ANKS6: variants seen among roughly 807,000 people sequenced by gnomAD.
ANKS6 encodes the protein ankyrin repeat and SAM domain-containing protein 6.
Under a neutral mutation model 77.9 loss-of-function variants are expected in ANKS6, and 47 were observed. That is an observed-to-expected ratio of 0.60 (90% CI 0.48 to 0.77). The LOEUF (loss-of-function observed/expected upper bound fraction) is 0.77. Among genes scored for constraint, ANKS6 ranks in the 30% least tolerant of loss-of-function variants. The pLI is 0.00. For missense variants in ANKS6, 1,150 were observed against 1,159.1 expected (o/e 0.99, Z 0.11); for synonymous variants, 488 against 501.7 (o/e 0.97, Z 0.37).
In ANKS6 at chr9:98,735,081, G is replaced by A; in HGVS notation, c.*1438C>T. ...CACCTCCCAAGGAGACCAACTTGTGGCTCAGCATGGCTCAAGGTAGAGATC... is the reference window on the plus strand; with the variant it reads ...CACCTCCCAAGGAGACCAACTTGTGACTCAGCATGGCTCAAGGTAGAGATC... On this transcript the variant is annotated 3_prime_UTR_variant, in exon 15 of 15. Transcript: ENST00000353234. The A allele has an allele frequency of 1.0e-6, 1 of 985,420 alleles. No homozygotes were observed. The allele number at this position is 985,420 out of a possible 1,614,324, so 61.0% of individuals were successfully genotyped here.
At chr9:98,786,405 C>T (rs565610808) in intron 2 of ANKS6, among the ~76,000 whole-genome samples, 1 of 152,026 alleles carries the variant, frequency 6.6e-6, no homozygotes, top group East Asian at 1.9e-4. Flanking sequence ...GATTCTCCTG[C>T]CTCTGCTTCC....
intron 1 of ANKS6, among the ~76,000 whole-genome samples, chr9:98,794,494 T>G (rs1816994683): frequency 1.3e-5 from 2 of 152,204 alleles, no homozygotes; most frequent in African/African-American, 4.8e-5. Context: ...GACCTTTTCT[T>G]ATGAATTACG....
In ANKS6 at chr9:98,783,803, CT is replaced by C. The variant is rs10711864; in HGVS notation, c.1112+149del. 279,274 of 420,210 alleles carry C rather than the reference CT, an allele frequency of 0.66. 72,557 individuals are homozygous for C. Among genetic ancestry groups the C allele is most frequent in the African/African-American group, 0.91 (41,646 of 45,570 alleles). 26.0% of individuals were successfully genotyped at this position (420,210 alleles called of 1,614,324 possible). ...GTGGGACTAAAATGAGCCTGTGCCG[CT>C]TTTTTTTTTTTTTTCCATGCCTCAA... is the stretch of plus-strand genomic sequence containing the variant. On this transcript the variant is annotated intron_variant, in intron 4 of 14. Transcript: ENST00000353234.
Position 98,773,792 on chromosome 9 carries a change from C to T in ANKS6, c.1821+85G>A, listed in dbSNP as rs145639946. On this transcript the variant is annotated intron_variant, in intron 9 of 14. Transcript: ENST00000353234. ...AAAGTTGCAACCCCTCTGGATTCGTCGGTTTGAGGTCCCGCTGCCTGGAAC... is the reference window on the plus strand; with the variant it reads ...AAAGTTGCAACCCCTCTGGATTCGTTGGTTTGAGGTCCCGCTGCCTGGAAC... 0.024 allele frequency: 30,827 copies of T among 1,276,886 alleles called. 434 individuals are homozygous for T. The highest frequency in any genetic ancestry group is 0.035 in the South Asian group (1,631 of 46,002). The allele number at this position is 1,276,886 out of a possible 1,614,324, so 79.1% of individuals were successfully genotyped here.
intron 10 of ANKS6, among the ~76,000 whole-genome samples, chr9:98,769,261 T>A (rs1250858273): frequency 6.6e-6 from 1 of 152,136 alleles, no homozygotes; most frequent in African/African-American, 2.4e-5. Context: ...CTGTAAGTAT[T>A]TCACATGTTT....
intron 8 of ANKS6, among the ~76,000 whole-genome samples, chr9:98,774,449 TG>T (rs1833816884): frequency 6.6e-6 from 1 of 152,128 alleles, no homozygotes; most frequent in South Asian, 2.1e-4. Context: ...GGAACCGAGC[TG>T]AGAACGACAG....
chr9:98,760,843 T>C (rs1270367884), intron 11 of ANKS6, among the ~76,000 whole-genome samples: 1 of 152,246 alleles, frequency 6.6e-6, no homozygotes, highest in Non-Finnish European at 1.5e-5. Context: ...GTGATTATTT[T>C]TTAAAACTAA....
intron 11 of ANKS6, among the ~76,000 whole-genome samples, chr9:98,761,975 T>C (rs1164648538): frequency 6.6e-6 from 1 of 152,206 alleles, no homozygotes; most frequent in Non-Finnish European, 1.5e-5. Context: ...ACATTTAATC[T>C]GTAGATCAAA....
intron 11 of ANKS6, among the ~76,000 whole-genome samples, chr9:98,760,907 G>C (rs903100620): frequency 1.3e-5 from 2 of 152,178 alleles, no homozygotes; most frequent in African/African-American, 4.8e-5. Flanking sequence ...AATCCACCTA[G>C]TAGTCAGTTA....
chr9:98,735,727 G>A lies in ANKS6; in HGVS notation c.*792C>T, dbSNP rs1588307095. 1.6e-6 allele frequency: 2 copies of A among 1,231,006 alleles called. No homozygotes were observed. The highest frequency in any genetic ancestry group is 3.1e-4 in the Middle Eastern group (1 of 3,208). The allele number at this position is 1,231,006 out of a possible 1,614,324, so 76.3% of individuals were successfully genotyped here. On this transcript the variant is annotated 3_prime_UTR_variant, in exon 15 of 15. Coordinates refer to ENST00000353234, the MANE Select transcript of ANKS6 (RefSeq NM_173551.5). ...GAAACTGAAAGCTAGGAAGAAGAAGGGATCCACACAGCAGGCCTCCACTTC... is the reference window on the plus strand; with the variant it reads ...GAAACTGAAAGCTAGGAAGAAGAAGAGATCCACACAGCAGGCCTCCACTTC...
intron 4 of ANKS6, among the ~76,000 whole-genome samples, chr9:98,783,058 T>C (rs1326103292): frequency 6.8e-6 from 1 of 147,872 alleles, no homozygotes; most frequent in African/African-American, 2.5e-5. Context: ...TGCACTCCAG[T>C]CTGGCAACAA....
In ANKS6 at chr9:98,732,589, TGA is replaced by T. The variant is rs1454320718; in HGVS notation, c.*3928_*3929del. Reference sequence around the variant, plus strand: ...GCAGAAGGGAGAGAAGAAAGAGAGATGAGAGATGAAAGGATTTAAAATGGGCA... The same window carrying T: ...GCAGAAGGGAGAGAAGAAAGAGAGATGAGATGAAAGGATTTAAAATGGGCA... On this transcript the variant is annotated 3_prime_UTR_variant, in exon 15 of 15. Transcript: ENST00000353234. 6.4e-7 allele frequency: 1 copy of T among 1,550,404 alleles called. No individual in the cohort carries two copies. Among genetic ancestry groups the T allele is most frequent in the East Asian group, 2.4e-5 (1 of 40,904 alleles).
intron 13 of ANKS6, among the ~76,000 whole-genome samples, chr9:98,746,448 G>A (rs1832136858): frequency 2.0e-5 from 3 of 152,212 alleles, no homozygotes; most frequent in Admixed American, 1.3e-4. Flanking sequence ...TCAGACCAGA[G>A]GAGGGCAGTT....
chr9:98,783,809 T>C, intron 4 of ANKS6, 144 bp downstream of exon 4: 3 of 684,402 alleles, frequency 4.4e-6, no homozygotes, highest in South Asian at 6.1e-5. Context: ...GCCGCTTTTT[T>C]TTTTTTTTTC....
chr9:98,779,135 C>A (rs1326102633), intron 6 of ANKS6, among the ~76,000 whole-genome samples: 2 of 152,240 alleles, frequency 1.3e-5, no homozygotes, highest in Non-Finnish European at 2.9e-5. Context: ...TCAGAAGGCG[C>A]TACCACCCCA....
Position 98,757,903 on chromosome 9 carries a change from G to T in ANKS6, c.2143-1300C>A, listed in dbSNP as rs542568189. Among the ~76,000 whole-genome samples, 3 of 152,122 alleles carry T rather than the reference G, an allele frequency of 2.0e-5. 1 individual carries two copies. The South Asian group carries it at 6.2e-4, about 32-fold the overall frequency. ...AGATCGCACCACTGCACTCCAGCCT[G>T]GGTGACAAAGCGAGACTCTGTCTCA... On this transcript the variant is annotated intron_variant, in intron 11 of 14. Transcript: ENST00000353234.
intron 14 of ANKS6, among the ~76,000 whole-genome samples, chr9:98,739,942 A>G (rs1465552230): frequency 6.6e-6 from 1 of 151,660 alleles, no homozygotes; most frequent in Non-Finnish European, 1.5e-5. Context: ...TTTTTAGTAG[A>G]GACGGGGTTT....
At chr9:98,770,872 G>A in intron 10 of ANKS6, 24 bp downstream of exon 10, 4 of 1,416,624 alleles carry the variant, frequency 2.8e-6, no homozygotes, top group Non-Finnish European at 3.7e-6. Flanking sequence ...CCACCTCCCT[G>A]AGTGGCCCTG....
In ANKS6 at chr9:98,790,685, AAT is replaced by A. The variant is rs1391205024; in HGVS notation, c.360-81_360-80del. 2.0e-6 allele frequency: 3 copies of A among 1,518,108 alleles called. No individual in the cohort carries two copies. In the African/African-American group the frequency reaches 4.1e-5, roughly 21 times the overall value. The allele number at this position is 1,518,108 out of a possible 1,614,324, so 94.0% of individuals were successfully genotyped here. On this transcript the variant is annotated intron_variant, in intron 1 of 14. Coordinates refer to ENST00000353234, the MANE Select transcript of ANKS6 (RefSeq NM_173551.5). ...GCTTATGTCATCCTTAATTGGCATG[AAT>A]TATTAGTCCTGACAGCTGCTCATGA... is the stretch of plus-strand genomic sequence containing the variant.
Sources: gnomAD v4.1 joint callset for allele counts (sites outside exome capture counted in the v4.1 genomes callset) on GRCh38, gnomAD v4.1.1 for gene constraint, MANE v1.5 for transcripts, NCBI Gene and HGNC (gene_info 2026-07-23, HGNC 2026-07-21) for gene names.